Variants in TBCD observed in about 807,000 individuals in gnomAD.
The protein encoded by TBCD is tubulin-specific chaperone D.
TBCD carries 105 observed loss-of-function variants against 169.3 expected under a neutral mutation model. The observed-to-expected ratio is 0.62, with a 90% CI of 0.53 to 0.73. The LOEUF is 0.73. Among genes scored for constraint, TBCD ranks in the 30% least tolerant of loss-of-function variants. TBCD has a pLI of 0.00. For missense variants in TBCD, 1,444 were observed against 1,600.1 expected, an observed-to-expected ratio of 0.90 and a Z score of 1.66; for synonymous variants, 700 against 643.9, an observed-to-expected ratio of 1.09 and a Z score of -1.32.
intron 7 of TBCD, among the ~76,000 whole-genome samples, chr17:82,783,135 C>T (rs999490480): frequency 2.0e-5 from 3 of 147,280 alleles, no homozygotes; most frequent in Non-Finnish European, 3.0e-5. Flanking sequence ...TGGGGGCATA[C>T]GTTTCTTGAG....
At chr17:82,797,825 G>A (rs1413518039) in intron 8 of TBCD, 23 bp downstream of exon 8, 3 of 1,554,638 alleles carry the variant, frequency 1.9e-6, no homozygotes, top group African/African-American at 1.4e-5. Flanking sequence ...TTTAAGAGAC[G>A]ATATCTTTGT....
chr17:82,913,454 C>T (rs78997590), intron 23 of TBCD: 15,268 of 152,286 alleles, frequency 0.1, 1,059 homozygotes, highest in South Asian at 0.29. Context: ...GAAGGTGTTC[C>T]GAGTCCCCGT....
intron 30 of TBCD, 119 bp from the exon 31 acceptor site, chr17:82,928,994 G>T (rs2061984425): frequency 1.5e-6 from 2 of 1,305,816 alleles, no homozygotes; most frequent in South Asian, 1.4e-5. Context: ...GTCCCGAGGA[G>T]CCCGCATGTC....
At chr17:82,855,794 C>T (rs1028673162) in intron 13 of TBCD, among the ~76,000 whole-genome samples, 3 of 152,180 alleles carry the variant, frequency 2.0e-5, no homozygotes, top group African/African-American at 7.2e-5. Context: ...CATCACGACA[C>T]ATGACTGTAT....
At chr17:82,865,608 T>C in intron 13 of TBCD, 1 of 914,602 alleles carries the variant, frequency 1.1e-6, no homozygotes, top group Non-Finnish European at 1.3e-6. Context: ...GACAGGGCGA[T>C]GCGGTCTGCA....
Position 82,920,012 on chromosome 17 carries a change from G to A in TBCD, c.2039-544G>A, listed in dbSNP as rs763952737. 1.3e-5 allele frequency among the ~76,000 whole-genome samples: 2 copies of A among 152,328 alleles called. No homozygotes were observed. Among genetic ancestry groups the A allele is most frequent in the East Asian group, 1.9e-4 (1 of 5,184 alleles). On this transcript the variant is annotated intron_variant, in intron 23 of 38. Transcript: ENST00000355528. This position sits in a 1 kb window ranked among gnomAD's most constrained non-coding sequence, Gnocchi z 4.1. ...GTGGGAGCTAGAGCAGTGTGTGGCC[G>A]TGGGAGCTGCTGATGCTGTCCAGTC...
intron 8 of TBCD, among the ~76,000 whole-genome samples, chr17:82,798,180 T>C (rs184167548): frequency 5.4e-5 from 8 of 148,726 alleles, no homozygotes; most frequent in East Asian, 2.0e-4. Flanking sequence ...GGATTTTCTC[T>C]CTGTCGCCCA....
At chr17:82,843,781 A>G (rs2054756817) in intron 13 of TBCD, among the ~76,000 whole-genome samples, 1 of 152,192 alleles carries the variant, frequency 6.6e-6, no homozygotes, top group Non-Finnish European at 1.5e-5. Context: ...TCTTAAGAGG[A>G]TCATTTAACG....
chr17:82,791,480 G>A (rs2049726309), intron 7 of TBCD, among the ~76,000 whole-genome samples: 1 of 152,150 alleles, frequency 6.6e-6, no homozygotes. Context: ...GCGTGGGCTC[G>A]CTGCTCCTCT....
At chr17:82,926,132 CGGGGGCCGT>C (rs2061738373) in intron 27 of TBCD, among the ~76,000 whole-genome samples, 1 of 96,096 alleles carries the variant, frequency 1.0e-5, no homozygotes, top group Non-Finnish European at 2.0e-5. Context: ...TGGGTTGTAC[CGGGGGCCGT>C]GGAGAGGCTG....
chr17:82,886,228 GGT>G (rs1264977421), intron 15 of TBCD: 1 of 152,314 alleles, frequency 6.6e-6, no homozygotes, highest in African/African-American at 2.4e-5. Flanking sequence ...CTGTGAGGAA[GGT>G]GCTGCAGCTG....
In TBCD at chr17:82,889,301, C is replaced by T. The variant is rs1448185822; in HGVS notation, c.1534-367C>T. Among the ~76,000 whole-genome samples the T allele has an allele frequency of 6.6e-6, 1 of 152,102 alleles. No individual in the cohort carries two copies. The highest frequency in any genetic ancestry group is 2.4e-5 in the African/African-American group (1 of 41,438). ...GCGGCACGTGGTGCCAGTTGGTGAC[C>T]ATGAGCTGCCTCACTCCTGAGGAAG... On this transcript the variant is annotated intron_variant, in intron 15 of 38. Transcript: ENST00000355528. This position sits in a 1 kb window ranked among gnomAD's most constrained non-coding sequence, Gnocchi z 5.3.
intron 3 of TBCD, among the ~76,000 whole-genome samples, chr17:82,765,564 A>G (rs974788299): frequency 6.6e-6 from 1 of 152,200 alleles, no homozygotes; most frequent in Non-Finnish European, 1.5e-5. Flanking sequence ...CTGGCGGGAA[A>G]GTCCTTGGCC....
chr17:82,792,379 GTGTATATATA>G (rs1327949762), intron 7 of TBCD, among the ~76,000 whole-genome samples: 2 of 147,092 alleles, frequency 1.4e-5, no homozygotes, highest in African/African-American at 2.5e-5. Flanking sequence ...ACACATATAT[GTGTATATATA>G]TGTATATATA....
intron 12 of TBCD, 142 bp from the exon 13 acceptor site, chr17:82,814,698 T>C: frequency 1.3e-6 from 1 of 768,472 alleles, no homozygotes; most frequent in East Asian, 2.7e-5. Context: ...TTTAAAAACT[T>C]AGGAATGGGT....
intron 13 of TBCD, chr17:82,859,570 G>T: frequency 2.0e-6 from 2 of 985,474 alleles, no homozygotes; most frequent in Non-Finnish European, 2.4e-6. Flanking sequence ...GGCTACGGAA[G>T]TTGCTCTGTG....
intron 12 of TBCD, among the ~76,000 whole-genome samples, chr17:82,811,848 C>T (rs2051463724): frequency 6.6e-6 from 1 of 152,154 alleles, no homozygotes; most frequent in Admixed American, 6.5e-5. Context: ...GGTAAGCTGC[C>T]AGCCTCTTCT....
intron 17 of TBCD, among the ~76,000 whole-genome samples, chr17:82,894,267 A>G (rs1288277553): frequency 6.6e-6 from 1 of 152,182 alleles, no homozygotes; most frequent in Non-Finnish European, 1.5e-5. Context: ...AGGTTACTTC[A>G]GTTATCTTAG....
intron 38 of TBCD, 127 bp downstream of exon 38, chr17:82,941,610 G>A: frequency 1.2e-6 from 1 of 807,178 alleles, no homozygotes; most frequent in East Asian, 2.8e-5. Context: ...TCTCATGTCA[G>A]GACCCCTGGG....
Sources: allele counts gnomAD v4.1 joint callset (sites outside exome capture counted in the v4.1 genomes callset), GRCh38; gene constraint gnomAD v4.1.1; non-coding constraint Gnocchi (gnomAD v3.1); transcripts MANE v1.5; gene names NCBI Gene and HGNC (gene_info 2026-07-23, HGNC 2026-07-21).